Variants in SLC25A21 observed in about 807,000 individuals in gnomAD.
SLC25A21 encodes the protein mitochondrial 2-oxodicarboxylate carrier.
SLC25A21 carries 47 observed loss-of-function variants against 43.8 expected under a neutral mutation model. The observed-to-expected ratio is 1.07, with a 90% CI of 0.85 to 1.37. SLC25A21 has a LOEUF of 1.37. Among genes scored for constraint, SLC25A21 ranks in the 40% most tolerant of loss-of-function variants. The pLI is 0.00. For missense variants in SLC25A21, 352 were observed against 350.2 expected, an observed-to-expected ratio of 1.00 and a Z score of -0.04; for synonymous variants, 131 against 121.3, an observed-to-expected ratio of 1.08 and a Z score of -0.52.
At chr14:37,005,087 A>C (rs919095018) in intron 1 of SLC25A21, among the ~76,000 whole-genome samples, 4 of 152,032 alleles carry the variant, frequency 2.6e-5, no homozygotes, top group Admixed American at 2.6e-4. Context: ...GGAATAATCG[A>C]ATCCCCTAAG....
intron 3 of SLC25A21, among the ~76,000 whole-genome samples, chr14:36,784,233 A>T (rs1002880271): frequency 6.6e-6 from 1 of 152,184 alleles, no homozygotes; most frequent in Admixed American, 6.5e-5. Context: ...GACACATTTG[A>T]TCTCCATTGA....
At chr14:37,094,029 T>C (rs1962639416) in intron 1 of SLC25A21, among the ~76,000 whole-genome samples, 1 of 152,204 alleles carries the variant, frequency 6.6e-6, no homozygotes, top group Non-Finnish European at 1.5e-5. Flanking sequence ...GCAAATAGCA[T>C]AAATGGGTCA....
chr14:37,151,837 C>A (rs974666431), intron 1 of SLC25A21, among the ~76,000 whole-genome samples: 1 of 152,084 alleles, frequency 6.6e-6, no homozygotes, highest in African/African-American at 2.4e-5. Context: ...GAGTTCAAGA[C>A]GAGCCTGGCC....
chr14:36,982,232 A>G (rs1190969386), intron 1 of SLC25A21, among the ~76,000 whole-genome samples: 1 of 152,260 alleles, frequency 6.6e-6, no homozygotes, highest in Non-Finnish European at 1.5e-5. Flanking sequence ...GTTTTATGCT[A>G]TGAGGAAGTT....
In SLC25A21 at chr14:36,759,138, A is replaced by G. The variant is rs536517129; in HGVS notation, c.204-24565T>C. On this transcript the variant is annotated intron_variant, in intron 3 of 9. Coordinates refer to ENST00000331299, the MANE Select transcript of SLC25A21 (RefSeq NM_030631.4). ...GCCCCTAATGCACAACTCTTGTAGG[A>G]TTTTTTTTTAAAACCCTGCAAAGAG... Among the ~76,000 whole-genome samples, 17 of 151,732 alleles carry G rather than the reference A, an allele frequency of 1.1e-4. No homozygotes were observed. In the East Asian group the frequency reaches 3.1e-3, roughly 28 times the overall value.
At chr14:36,717,678 G>T (rs1319427605) in intron 6 of SLC25A21, among the ~76,000 whole-genome samples, 1 of 152,208 alleles carries the variant, frequency 6.6e-6, no homozygotes, top group African/African-American at 2.4e-5. Context: ...CTTCTTCATG[G>T]TCTCATAAAC....
At chr14:37,076,000 C>T (rs1962273542) in intron 1 of SLC25A21, among the ~76,000 whole-genome samples, 1 of 152,172 alleles carries the variant, frequency 6.6e-6, no homozygotes, top group Non-Finnish European at 1.5e-5. Context: ...GGGCACCTGC[C>T]CTGGAGCCAA....
chr14:37,056,121 T>C (rs1339500265), intron 1 of SLC25A21, among the ~76,000 whole-genome samples: 2 of 152,144 alleles, frequency 1.3e-5, no homozygotes, highest in Non-Finnish European at 2.9e-5. Context: ...CCTTCTGCCA[T>C]GATTGTAAGT....
chr14:37,125,679 T>G (rs745507213), intron 1 of SLC25A21, among the ~76,000 whole-genome samples: 6 of 152,212 alleles, frequency 3.9e-5, no homozygotes, highest in African/African-American at 9.7e-5. Flanking sequence ...GGATATCAAT[T>G]ATTTCTTTTA....
chr14:36,893,825 G>C (rs1785129388), intron 1 of SLC25A21, among the ~76,000 whole-genome samples: 1 of 152,008 alleles, frequency 6.6e-6, no homozygotes, highest in African/African-American at 2.4e-5. Flanking sequence ...GCCTTTGTCA[G>C]GTTTGTCAAA....
rs1445838562 is a variant in SLC25A21 at position 36,737,213 on chromosome 14, T to C, written c.204-2640A>G. On this transcript the variant is annotated intron_variant, in intron 3 of 9. Transcript: ENST00000331299. The stretch of plus-strand genomic sequence containing the variant: ...TTTGCATCAAATCTTACACTGCTTC[T>C]CTGGAAGAGGACTAAAGTCTTCTAA... 2.0e-5 allele frequency among the ~76,000 whole-genome samples: 3 copies of C among 152,242 alleles called. No individual in the cohort carries two copies. The East Asian group carries it at 5.8e-4, about 29-fold the overall frequency.
At chr14:36,725,476 A>T (rs1191926501) in intron 6 of SLC25A21, 94 bp downstream of exon 6, 1 of 358,316 alleles carries the variant, frequency 2.8e-6, no homozygotes, top group African/African-American at 2.5e-5. Context: ...ACTCTGTCCC[A>T]AAATAAATAA....
At chr14:36,782,984 A>G (rs8019889) in intron 3 of SLC25A21, among the ~76,000 whole-genome samples, 179 of 150,544 alleles carry the variant, frequency 1.2e-3, no homozygotes, top group African/African-American at 4.2e-3. Flanking sequence ...AAAATAAAAA[A>G]TAAAAAAAAT....
At chr14:36,792,432 C>G (rs1405088802) in intron 3 of SLC25A21, among the ~76,000 whole-genome samples, 1 of 152,104 alleles carries the variant, frequency 6.6e-6, no homozygotes, top group African/African-American at 2.4e-5. Flanking sequence ...TAATGGGAGG[C>G]AGACCACAGG....
chr14:36,965,509 T>C (rs1281519306), intron 1 of SLC25A21, among the ~76,000 whole-genome samples: 1 of 152,220 alleles, frequency 6.6e-6, no homozygotes, highest in Non-Finnish European at 1.5e-5. Context: ...GACAATGTTA[T>C]AGTTTCTAAC....
At chr14:36,788,022 A>T (rs894766146) in intron 3 of SLC25A21, among the ~76,000 whole-genome samples, 2 of 152,170 alleles carry the variant, frequency 1.3e-5, no homozygotes, top group Non-Finnish European at 2.9e-5. Flanking sequence ...CATAAAGCAC[A>T]TTGCTCTCCG....
intron 2 of SLC25A21, among the ~76,000 whole-genome samples, chr14:36,852,861 A>G (rs1889785550): frequency 1.3e-5 from 2 of 152,196 alleles, no homozygotes; most frequent in African/African-American, 4.8e-5. Context: ...CACTACTAAA[A>G]TTTTACGTAG....
chr14:36,948,537 A>T (rs1282768952), intron 1 of SLC25A21, among the ~76,000 whole-genome samples: 2 of 152,210 alleles, frequency 1.3e-5, no homozygotes, highest in Non-Finnish European at 2.9e-5. Context: ...GTAAAAAGAC[A>T]TCTAGTAGAA....
At chr14:37,023,160 T>G (rs542316250) in intron 1 of SLC25A21, among the ~76,000 whole-genome samples, 3 of 152,076 alleles carry the variant, frequency 2.0e-5, no homozygotes, top group African/African-American at 7.2e-5. Context: ...CTGAGTGACA[T>G]TCTATAACCA....
Sources: gnomAD v4.1 joint callset for allele counts (sites outside exome capture counted in the v4.1 genomes callset) on GRCh38, gnomAD v4.1.1 for gene constraint, MANE v1.5 for transcripts, NCBI Gene and HGNC (gene_info 2026-07-23, HGNC 2026-07-21) for gene names.